Variants in UPP2 observed in about 807,000 individuals in gnomAD.
The protein encoded by UPP2 is UPase 2.
A neutral mutation model predicts 26.7 loss-of-function variants in UPP2; 23 were observed. The ratio of observed to expected loss-of-function variants is 0.86; its 90% CI spans 0.62 to 1.22. UPP2 has a LOEUF of 1.22. Among genes scored for constraint, UPP2 ranks in the 50% most tolerant of loss-of-function variants. The pLI, the probability that UPP2 is intolerant of heterozygous loss-of-function variation, is 0.00. For synonymous variants in UPP2, 127 were observed against 141.3 expected (o/e 0.90, Z 0.72); for missense variants, 387 against 396.7 (o/e 0.98, Z 0.21).
chr2:158,110,165 C>T (rs1683283799), intron 2 of UPP2, among the ~76,000 whole-genome samples: 1 of 152,206 alleles, frequency 6.6e-6, no homozygotes, highest in Non-Finnish European at 1.5e-5. Flanking sequence ...TGCCCCCACC[C>T]CATGACAGGC....
chr2:158,058,006 G>A (rs1037383376), intron 3 of UPP2, among the ~76,000 whole-genome samples: 1 of 152,080 alleles, frequency 6.6e-6, no homozygotes, highest in Admixed American at 6.6e-5. Context: ...ATAAGAATAA[G>A]AAGGGCCTGG....
chr2:158,107,313 A>G (rs1412145645), intron 2 of UPP2, among the ~76,000 whole-genome samples: 1 of 152,224 alleles, frequency 6.6e-6, no homozygotes, highest in Non-Finnish European at 1.5e-5. Context: ...CACATCTACT[A>G]TCTCACTAAC....
chr2:158,013,111 C>T (rs531078630), intron 2 of UPP2, among the ~76,000 whole-genome samples: 62 of 152,096 alleles, frequency 4.1e-4, no homozygotes, highest in African/African-American at 1.4e-3. Flanking sequence ...CTCAGTCTCC[C>T]GAGTAGCTAA....
At chr2:158,038,705 T>A (rs933991937) in intron 3 of UPP2, among the ~76,000 whole-genome samples, 3 of 152,162 alleles carry the variant, frequency 2.0e-5, no homozygotes, top group African/African-American at 7.2e-5. Flanking sequence ...GGGAGAGAAT[T>A]TTTTTTACTC....
intron 3 of UPP2, among the ~76,000 whole-genome samples, chr2:158,025,909 T>C (rs1022281255): frequency 6.6e-6 from 1 of 152,118 alleles, no homozygotes; most frequent in African/African-American, 2.4e-5. Context: ...CATGGGAAAG[T>C]TGGCCTCACA....
chr2:158,023,039 A>C (rs1683777101), intron 3 of UPP2, among the ~76,000 whole-genome samples: 1 of 141,852 alleles, frequency 7.0e-6, no homozygotes, highest in African/African-American at 2.6e-5. Flanking sequence ...CCACCTAGAC[A>C]TTCTTACAGG....
At chr2:158,074,703 A>ACACACACG (rs1682602255) in intron 3 of UPP2, among the ~76,000 whole-genome samples, 1 of 151,552 alleles carries the variant, frequency 6.6e-6, no homozygotes. Flanking sequence ...ACACACACAC[A>ACACACACG]CACACACACA....
rs112996000 is a variant in UPP2, at chr2:158,101,923, C to T, written c.-141C>T. 44 of 1,367,678 alleles carry T rather than the reference C, an allele frequency of 3.2e-5. No homozygotes were observed. The highest frequency in any genetic ancestry group is 4.1e-5 in the Non-Finnish European group (43 of 1,059,606). 84.7% of individuals were successfully genotyped at this position (1,367,678 alleles called of 1,614,324 possible). Reference sequence around the variant, plus strand: ...AGGAAAAATTTTCTTAGCAATTTCACAGGAAAACCTAAGTTTTAAGAGAGG... The same window carrying T: ...AGGAAAAATTTTCTTAGCAATTTCATAGGAAAACCTAAGTTTTAAGAGAGG... On this transcript the variant is annotated 5_prime_UTR_variant, in exon 1 of 7. Transcript: ENST00000005756.
At chr2:158,120,143 T>C (rs1053486680) in intron 4 of UPP2, among the ~76,000 whole-genome samples, 3 of 152,034 alleles carry the variant, frequency 2.0e-5, no homozygotes, top group Admixed American at 2.0e-4. Context: ...CTTTGATCAA[T>C]ATCAAAATTT....
chr2:158,074,690 T>TACACACACACAC (rs56277459), intron 3 of UPP2, among the ~76,000 whole-genome samples: 9,980 of 135,274 alleles, frequency 0.074, 468 homozygotes, highest in East Asian at 0.22. Context: ...AAGACCTTCA[T>TACACACACACAC]ACACACACAC....
At chr2:158,057,685 GT>G (rs1459230932) in intron 3 of UPP2, among the ~76,000 whole-genome samples, 15 of 150,822 alleles carry the variant, frequency 9.9e-5, no homozygotes, top group Middle Eastern at 3.5e-3. Flanking sequence ...GATTCTTTAT[GT>G]TTTTTAACCT....
chr2:158,077,834 G>A (rs973416970), intron 3 of UPP2, among the ~76,000 whole-genome samples: 4 of 151,974 alleles, frequency 2.6e-5, no homozygotes, highest in African/African-American at 7.2e-5. Flanking sequence ...CAAAGTGCAT[G>A]AGACAACCCA....
intron 3 of UPP2, among the ~76,000 whole-genome samples, chr2:158,080,951 A>C (rs577777379): frequency 6.6e-6 from 1 of 152,310 alleles, no homozygotes; most frequent in East Asian, 1.9e-4. Context: ...AAAAGTATTC[A>C]TTTAAAGGCA....
intron 3 of UPP2, among the ~76,000 whole-genome samples, chr2:158,038,696 G>C (rs921243544): frequency 6.6e-6 from 1 of 152,144 alleles, no homozygotes. Context: ...AACCACATTG[G>C]GAGAGAATTT....
At chr2:158,037,098 G>A (rs891930745) in intron 3 of UPP2, among the ~76,000 whole-genome samples, 3 of 152,168 alleles carry the variant, frequency 2.0e-5, no homozygotes, top group African/African-American at 7.2e-5. Context: ...TCCTTGGCTG[G>A]GTGTGGTGGC....
chr2:158,039,954 G>A lies in UPP2; in HGVS notation c.147+24068G>A, dbSNP rs547479781. On this transcript the variant is annotated intron_variant, in intron 3 of 9. Transcript: ENST00000605860. ...TGTTAAGCCATTTGCTTGTGTGCAGGGCTGTGTGTTTCATCTTTTAGTTTT... is the reference window on the plus strand; with the variant it reads ...TGTTAAGCCATTTGCTTGTGTGCAGAGCTGTGTGTTTCATCTTTTAGTTTT... Among the ~76,000 whole-genome samples, 10 of 152,334 alleles carry A rather than the reference G, an allele frequency of 6.6e-5. No homozygotes were observed. The East Asian group carries it at 7.7e-4, about 12-fold the overall frequency.
intron 6 of UPP2, among the ~76,000 whole-genome samples, chr2:158,134,432 A>G (rs945757777): frequency 2.0e-5 from 3 of 152,226 alleles, no homozygotes; most frequent in Non-Finnish European, 2.9e-5. Context: ...AGGAGATGGC[A>G]TATCTCAGAT....
intron 3 of UPP2, among the ~76,000 whole-genome samples, chr2:158,020,361 A>G (rs535645928): frequency 1.3e-5 from 2 of 152,354 alleles, no homozygotes; most frequent in African/African-American, 4.8e-5. Flanking sequence ...CTGAGGGCCC[A>G]GGGAGACAGC....
chr2:158,093,271 TACACACAC>T (rs57028617), intron 3 of UPP2, among the ~76,000 whole-genome samples: 17 of 137,518 alleles, frequency 1.2e-4, no homozygotes, highest in East Asian at 4.1e-4. Flanking sequence ...AAAAGAAACA[TACACACAC>T]ACACACACAC....
Sources: allele counts gnomAD v4.1 joint callset (sites outside exome capture counted in the v4.1 genomes callset), GRCh38; gene constraint gnomAD v4.1.1; transcripts MANE v1.5; gene names NCBI Gene and HGNC (gene_info 2026-07-23, HGNC 2026-07-21).